The following JPH1 variants were observed in gnomAD, a reference collection of about 807,000 sequenced individuals.
JPH1 encodes junctophilin 1, also known as junctophilin-1.
A neutral mutation model predicts 53.6 loss-of-function variants in JPH1; 12 were observed. That is an observed-to-expected ratio of 0.22 (90% CI 0.14 to 0.36). The LOEUF (loss-of-function observed/expected upper bound fraction) is 0.36, where lower values mean the gene tolerates loss of function less well. Among genes scored for constraint, JPH1 ranks in the 10% least tolerant of loss-of-function variants. The pLI, the probability that JPH1 is intolerant of heterozygous loss-of-function variation, is 1.00. For missense variants in JPH1, 808 were observed against 905.5 expected (o/e 0.89, Z 1.38); for synonymous variants, 375 against 363.8 (o/e 1.03, Z -0.35).
chr8:74,261,893 A>G (rs900597985), intron 2 of JPH1, among the ~76,000 whole-genome samples: 16 of 152,242 alleles, frequency 1.1e-4, no homozygotes, highest in Non-Finnish European at 1.9e-4. Context: ...ACCACCATAC[A>G]GTCAAATAAA....
In JPH1 at chr8:74,315,476, A is replaced by T. The variant is rs1563424927; in HGVS notation, c.524T>A (p.Val175Glu). 2 of 1,607,588 alleles carry T rather than the reference A, an allele frequency of 1.2e-6. No individual in the cohort carries two copies. Among genetic ancestry groups the T allele is most frequent in the Non-Finnish European group, 1.7e-6 (2 of 1,177,722 alleles). Residue 175 changes from valine (V) to glutamate (E), a missense_variant, in exon 2 of 6, where the codon GTG (valine) becomes GAG (glutamate). Val to Glu is a moderately radical substitution (Grantham distance 121, BLOSUM62 -2). Transcript: ENST00000342232. This position sits in a 1 kb window ranked among gnomAD's most constrained non-coding sequence, Gnocchi z 6.3. The stretch of plus-strand genomic sequence containing the variant: ...GGCGGCGGCTGCGGCGTCGTGGAGC[A>T]CGCTGCCATTGCTCTGCTCGCTGCG... ...SLRSEQSNGSVLHDAAAAADS... is the reference protein window; with the variant it reads ...SLRSEQSNGSELHDAAAAADS...
chr8:74,258,091 T>C (rs1372190931), intron 3 of JPH1, among the ~76,000 whole-genome samples: 1 of 152,184 alleles, frequency 6.6e-6, no homozygotes, highest in African/African-American at 2.4e-5. Flanking sequence ...TAGGACTCAG[T>C]GATACCCTGT....
intron 3 of JPH1, among the ~76,000 whole-genome samples, chr8:74,249,887 T>C (rs1477462573): frequency 1.3e-5 from 2 of 150,508 alleles, no homozygotes; most frequent in Non-Finnish European, 2.9e-5. Flanking sequence ...AAATAATTGA[T>C]GCACTGTGTG....
intron 2 of JPH1, among the ~76,000 whole-genome samples, chr8:74,304,167 T>C (rs1383230821): frequency 6.6e-6 from 1 of 152,220 alleles, no homozygotes; most frequent in Non-Finnish European, 1.5e-5. Context: ...CAATGGGTAA[T>C]AACTGCTTTT....
At chr8:74,254,881 A>G (rs1314157932) in intron 3 of JPH1, among the ~76,000 whole-genome samples, 1 of 152,150 alleles carries the variant, frequency 6.6e-6, no homozygotes, top group Non-Finnish European at 1.5e-5. Context: ...ACCACTGCTC[A>G]ATGAAATAAA....
intron 2 of JPH1, among the ~76,000 whole-genome samples, chr8:74,312,455 G>T (rs541389203): frequency 7.9e-4 from 121 of 152,270 alleles, no homozygotes; most frequent in African/African-American, 2.6e-3. Context: ...TCACTATGTT[G>T]CAGAGATTGG....
At chr8:74,303,517 T>C (rs532389746) in intron 2 of JPH1, among the ~76,000 whole-genome samples, 2 of 152,300 alleles carry the variant, frequency 1.3e-5, no homozygotes, top group South Asian at 2.1e-4. Flanking sequence ...CATTTGCTTC[T>C]TTCCATCCCA....
intron 4 of JPH1, among the ~76,000 whole-genome samples, chr8:74,243,142 T>C (rs890832680): frequency 2.0e-5 from 3 of 152,236 alleles, no homozygotes; most frequent in African/African-American, 7.2e-5. Context: ...AACACTGATA[T>C]ATGCGAGGCC....
chr8:74,312,043 C>T (rs73343368), intron 2 of JPH1, among the ~76,000 whole-genome samples: 2,783 of 152,114 alleles, frequency 0.018, 70 homozygotes, highest in African/African-American at 0.055. Flanking sequence ...TTAACTGCTT[C>T]CTCCAAAAAC....
intron 2 of JPH1, among the ~76,000 whole-genome samples, chr8:74,288,628 C>G (rs114530075): frequency 1.2e-3 from 189 of 152,222 alleles, no homozygotes; most frequent in African/African-American, 4.3e-3. Context: ...CAGGAATAGT[C>G]AAGGAAATGC....
At chr8:74,318,333 G>C (rs1188975826) in intron 1 of JPH1, among the ~76,000 whole-genome samples, 2 of 152,108 alleles carry the variant, frequency 1.3e-5, no homozygotes, top group Non-Finnish European at 1.5e-5. Flanking sequence ...TCCAGTTTAG[G>C]AGTTTCAGTC....
Position 74,321,312 on chromosome 8 carries a change from C to A in JPH1, c.-25G>T. The A allele has an allele frequency of 2.0e-6, 3 of 1,513,766 alleles. No homozygotes were observed. Among genetic ancestry groups the A allele is most frequent in the East Asian group, 4.9e-5 (2 of 41,120 alleles). 93.8% of individuals were successfully genotyped at this position (1,513,766 alleles called of 1,614,324 possible). On this transcript the variant is annotated 5_prime_UTR_variant, in exon 1 of 6. Transcript: ENST00000342232. The surrounding 1 kb of genome is among the most constrained non-coding windows in gnomAD (Gnocchi z 4.3). ...TTCGGGGGGCAGCCCCGGCGCGCTC[C>A]CCGCAGGGGCACGGACGCGGGCAGT... is the stretch of plus-strand genomic sequence containing the variant.
chr8:74,302,959 G>GAAAAAAAAAAAAA (rs34040034), intron 2 of JPH1, among the ~76,000 whole-genome samples: 1 of 136,706 alleles, frequency 7.3e-6, no homozygotes. Context: ...GCCAAGAAAA[G>GAAAAAAAAAAAAA]AAAAAAAAAA....
rs1233066648 is a variant in JPH1, at chr8:74,320,787, C to T, written c.379+122G>A. 2.5e-6 allele frequency: 3 copies of T among 1,215,948 alleles called. No homozygotes were observed. In the African/African-American group the frequency reaches 4.8e-5, roughly 20 times the overall value. 75.3% of individuals were successfully genotyped at this position (1,215,948 alleles called of 1,614,324 possible). ...CGCGGGCGCGGGGGTGGGAGGCGCC[C>T]CCAGGTGTTTTGGCGGGTTTCCGGA... On this transcript the variant is annotated intron_variant, in intron 1 of 5. Transcript: ENST00000342232. This position sits in a 1 kb window ranked among gnomAD's most constrained non-coding sequence, Gnocchi z 4.4.
At chr8:74,312,261 GTTTT>G (rs1169794482) in intron 2 of JPH1, among the ~76,000 whole-genome samples, 2 of 150,624 alleles carry the variant, frequency 1.3e-5, no homozygotes, top group African/African-American at 5.0e-5. Flanking sequence ...TTCTTTTTTT[GTTTT>G]TTTTGAGACA....
Position 74,320,261 on chromosome 8 carries a change from G to C in JPH1, c.379+648C>G, listed in dbSNP as rs890325732. 6.6e-6 allele frequency among the ~76,000 whole-genome samples: 1 copy of C among 152,088 alleles called. No homozygotes were observed. The highest frequency in any genetic ancestry group is 2.4e-5 in the African/African-American group (1 of 41,400). On this transcript the variant is annotated intron_variant, in intron 1 of 5. Transcript: ENST00000342232. The surrounding 1 kb of genome is among the most constrained non-coding windows in gnomAD (Gnocchi z 4.4). Reference sequence around the variant, plus strand: ...CTTTAAGAAACGGAATGAAAACTAGGAACTCACACACTCTGAACTCCACCT... The same window carrying C: ...CTTTAAGAAACGGAATGAAAACTAGCAACTCACACACTCTGAACTCCACCT...
chr8:74,291,841 C>T (rs1807335913), intron 2 of JPH1, among the ~76,000 whole-genome samples: 3 of 152,154 alleles, frequency 2.0e-5, no homozygotes, highest in Admixed American at 2.0e-4. Context: ...GAATACTATG[C>T]AGCCATAAGA....
In JPH1 at chr8:74,244,758, G is replaced by A. The variant is rs1805801724; in HGVS notation, c.1676C>T (p.Ala559Val). Residue 559 changes from alanine to valine, a missense_variant, in exon 4 of 6, where the codon GCC becomes GTC. Physicochemically the swap from Ala to Val is moderately conservative, Grantham distance 64 (BLOSUM62 0). This residue lies in a region of JPH1 where 756 missense variants were observed against 811.9 expected (regional missense o/e 0.93). Transcript: ENST00000342232. ...CACGTCTACTGGAGGGTGCTGGGGGGCGTTCAGCTTCACGTAGTAGCCGTG... is the reference window on the plus strand; with the variant it reads ...CACGTCTACTGGAGGGTGCTGGGGGACGTTCAGCTTCACGTAGTAGCCGTG... ...QYHGYYVKLN[A>V]PQHPPVDVED... 2 of 1,614,042 alleles carry A rather than the reference G, an allele frequency of 1.2e-6. No homozygotes were observed. Among genetic ancestry groups the A allele is most frequent in the Non-Finnish European group, 1.7e-6 (2 of 1,180,038 alleles).
chr8:74,239,253 T>C (rs1805625881), intron 4 of JPH1, among the ~76,000 whole-genome samples: 1 of 152,066 alleles, frequency 6.6e-6, no homozygotes, highest in African/African-American at 2.4e-5. Flanking sequence ...AGAGGACAGG[T>C]GTCTTGCTCA....
Sources: gnomAD v4.1 joint callset for allele counts (sites outside exome capture counted in the v4.1 genomes callset) on GRCh38, gnomAD v4.1.1 for gene constraint, gnomAD v4.1.1 regional missense constraint, Gnocchi (gnomAD v3.1) non-coding constraint, MANE v1.5 for transcripts, NCBI Gene and HGNC (gene_info 2026-07-23, HGNC 2026-07-21) for gene names.